Variants in KLF12 observed in about 807,000 individuals in gnomAD.
KLF12 encodes the protein KLF transcription factor 12.
A neutral mutation model predicts 37.8 loss-of-function variants in KLF12; 9 were observed. The observed-to-expected ratio is 0.24, with a 90% CI of 0.14 to 0.42. The LOEUF is 0.42. Ranked by LOEUF, KLF12 falls within the 10% of genes least tolerant of loss-of-function variation. The pLI is 1.00. For synonymous variants in KLF12, 208 were observed against 202.1 expected (o/e 1.03, Z -0.25); for missense variants, 411 against 516.0 (o/e 0.80, Z 1.97).
chr13:73,779,640 C>T (rs1382964080), intron 5 of KLF12, among the ~76,000 whole-genome samples: 5 of 152,214 alleles, frequency 3.3e-5, no homozygotes. Context: ...GAACTGGAGA[C>T]AGGATCATGG....
intron 6 of KLF12, among the ~76,000 whole-genome samples, chr13:73,745,312 T>C (rs1878287283): frequency 6.6e-6 from 1 of 152,142 alleles, no homozygotes; most frequent in Non-Finnish European, 1.5e-5. Context: ...ACTAAAATCA[T>C]GACGTTGTGA....
At chr13:73,922,757 T>A (rs999944571) in intron 3 of KLF12, among the ~76,000 whole-genome samples, 3 of 152,216 alleles carry the variant, frequency 2.0e-5, no homozygotes, top group Non-Finnish European at 4.4e-5. Flanking sequence ...AGGCTTCAGC[T>A]AATCCAAAAC....
the KLF12 span, among the ~76,000 whole-genome samples, chr13:74,215,969 C>T: frequency 2.0e-5 from 3 of 152,308 alleles, no homozygotes; most frequent in East Asian, 3.9e-4. Flanking sequence ...CCATGGTGTT[C>T]CAGAATGTAG....
chr13:73,726,567 A>C (rs898619402), intron 6 of KLF12, among the ~76,000 whole-genome samples: 1 of 152,224 alleles, frequency 6.6e-6, no homozygotes, highest in African/African-American at 2.4e-5. Context: ...CACTGAGCAT[A>C]AAGTCATCAG....
chr13:74,134,420 C>T (rs1183234361), upstream of KLF12, among the ~76,000 whole-genome samples: 3 of 151,982 alleles, frequency 2.0e-5, no homozygotes, highest in Non-Finnish European at 2.9e-5. Flanking sequence ...TTGAAATCCC[C>T]TGTGGGAAAC....
the KLF12 span, among the ~76,000 whole-genome samples, chr13:74,195,189 T>C: frequency 1.3e-5 from 2 of 152,140 alleles, no homozygotes; most frequent in East Asian, 3.8e-4. Context: ...AAAATGTGTA[T>C]CACCATTCAC....
intron 4 of KLF12, among the ~76,000 whole-genome samples, chr13:73,820,058 C>G (rs1381511125): frequency 1.3e-5 from 2 of 152,034 alleles, no homozygotes; most frequent in Non-Finnish European, 2.9e-5. Context: ...GAATTTTGCT[C>G]TGGGTGAGAA....
chr13:74,128,296 C>T (rs1477863219), intron 1 of KLF12, among the ~76,000 whole-genome samples: 1 of 152,140 alleles, frequency 6.6e-6, no homozygotes, highest in Non-Finnish European at 1.5e-5. Flanking sequence ...AAATTCCTTC[C>T]CCATAAGTGT....
intron 1 of KLF12, among the ~76,000 whole-genome samples, chr13:74,072,376 T>TATATATAC (rs1273041284): frequency 3.9e-5 from 4 of 102,016 alleles, no homozygotes; most frequent in African/African-American, 2.2e-4. Context: ...TATATATATA[T>TATATATAC]ATATATATAT....
chr13:73,816,701 A>T (rs1324419599), intron 4 of KLF12, among the ~76,000 whole-genome samples: 1 of 152,234 alleles, frequency 6.6e-6, no homozygotes, highest in African/African-American at 2.4e-5. Flanking sequence ...TAAGACTTGA[A>T]GTGACCAATG....
chr13:73,951,401 T>C (rs1890642546), intron 2 of KLF12, among the ~76,000 whole-genome samples: 1 of 152,230 alleles, frequency 6.6e-6, no homozygotes, highest in African/African-American at 2.4e-5. Context: ...GGAGAGATTA[T>C]ATAATCTGTC....
At chr13:74,217,735 A>AAAAC in the KLF12 span, among the ~76,000 whole-genome samples, 15 of 152,328 alleles carry the variant, frequency 9.8e-5, no homozygotes, top group African/African-American at 3.6e-4. Flanking sequence ...TCAAAAAAAC[A>AAAAC]AAACAAACAA....
the KLF12 span, among the ~76,000 whole-genome samples, chr13:74,149,665 G>T: frequency 6.6e-6 from 1 of 152,176 alleles, no homozygotes; most frequent in East Asian, 1.9e-4. Flanking sequence ...TACAACATAG[G>T]TTAGATCTTA....
the KLF12 span, among the ~76,000 whole-genome samples, chr13:74,281,753 A>G: frequency 1.3e-5 from 2 of 152,258 alleles, no homozygotes; most frequent in Admixed American, 1.3e-4. Context: ...GATTGTTGCA[A>G]TCTTCTCTGT....
the KLF12 span, among the ~76,000 whole-genome samples, chr13:74,157,177 AC>A: frequency 1.3e-5 from 2 of 152,234 alleles, no homozygotes; most frequent in Non-Finnish European, 2.9e-5. Flanking sequence ...ACAGTAATTT[AC>A]CCATCAAGAG....
intron 3 of KLF12, among the ~76,000 whole-genome samples, chr13:73,860,422 C>T (rs1016298428): frequency 6.6e-6 from 1 of 152,086 alleles, no homozygotes; most frequent in African/African-American, 2.4e-5. Flanking sequence ...CCCCAAAGGC[C>T]TTACTGGGTC....
At chr13:73,812,476 ATATACT>A (rs1882992596) in intron 5 of KLF12, among the ~76,000 whole-genome samples, 1 of 152,128 alleles carries the variant, frequency 6.6e-6, no homozygotes, top group Non-Finnish European at 1.5e-5. Flanking sequence ...AAATCAGCAC[ATATACT>A]TTAAGTATAT....
intron 3 of KLF12, among the ~76,000 whole-genome samples, chr13:73,854,663 C>G (rs1167193118): frequency 6.6e-6 from 1 of 152,318 alleles, no homozygotes; most frequent in East Asian, 1.9e-4. Flanking sequence ...ACCAAAACTA[C>G]AGATGCTCAA....
At chr13:74,079,364 G>T (rs1480251417) in intron 1 of KLF12, among the ~76,000 whole-genome samples, 2 of 152,092 alleles carry the variant, frequency 1.3e-5, no homozygotes, top group African/African-American at 2.4e-5. Context: ...GCTGGAAAAT[G>T]GTTGTGCTGG....
Sources: allele counts gnomAD v4.1 joint callset (sites outside exome capture counted in the v4.1 genomes callset), GRCh38; gene constraint gnomAD v4.1.1; transcripts MANE v1.5; gene names NCBI Gene and HGNC (gene_info 2026-07-23, HGNC 2026-07-21).